Variants in LTBP1 observed in about 807,000 individuals in gnomAD.
LTBP1 encodes the protein latent transforming growth factor beta binding protein 1.
Under a neutral mutation model 207.6 loss-of-function variants are expected in LTBP1, and 129 were observed. The observed-to-expected ratio is 0.62, with a 90% CI of 0.54 to 0.72. The LOEUF is 0.72. Ranked by LOEUF, LTBP1 falls within the 30% of genes least tolerant of loss-of-function variation. The probability of loss-of-function intolerance (pLI) is 0.00; values close to 1 mark genes in which losing one functional copy is unlikely to be tolerated. For synonymous variants in LTBP1, 963 were observed against 833.7 expected (o/e 1.16, Z -2.67); for missense variants, 2,281 against 2,217.2 (o/e 1.03, Z -0.58).
intron 19 of LTBP1, among the ~76,000 whole-genome samples, chr2:33,290,694 G>A (rs1040178280): frequency 1.1e-4 from 17 of 152,090 alleles, no homozygotes; most frequent in Admixed American, 8.5e-4. Flanking sequence ...AAGAGGGAGA[G>A]TAAAAATAAG....
At chr2:32,952,683 C>T (rs145884586) in intron 2 of LTBP1, among the ~76,000 whole-genome samples, 107 of 152,228 alleles carry the variant, frequency 7.0e-4, no homozygotes, top group African/African-American at 2.1e-3. Context: ...CCCCCCATGC[C>T]CTGCATTGGT....
chr2:33,106,313 C>A (rs1017480709), intron 3 of LTBP1, among the ~76,000 whole-genome samples: 8 of 152,192 alleles, frequency 5.3e-5, no homozygotes, highest in African/African-American at 1.9e-4. Flanking sequence ...GGACCTCCTC[C>A]CATGAATCAC....
chr2:33,352,289 G>A (rs1043904632), intron 26 of LTBP1, among the ~76,000 whole-genome samples: 7 of 151,828 alleles, frequency 4.6e-5, no homozygotes, highest in African/African-American at 9.7e-5. Flanking sequence ...ATACCACCAC[G>A]CCCGGCTAAT....
At chr2:33,184,846 A>G (rs2087027062) in intron 5 of LTBP1, among the ~76,000 whole-genome samples, 1 of 151,882 alleles carries the variant, frequency 6.6e-6, no homozygotes, top group South Asian at 2.1e-4. Flanking sequence ...AAAACATAAC[A>G]AGGTAACTTC....
chr2:33,103,013 A>G (rs2079827299), intron 3 of LTBP1, among the ~76,000 whole-genome samples: 1 of 151,606 alleles, frequency 6.6e-6, no homozygotes, highest in African/African-American at 2.4e-5. Flanking sequence ...CACAGTCTGT[A>G]TGCTGTATGC....
At chr2:32,981,452 T>C (rs1166156616) in intron 2 of LTBP1, among the ~76,000 whole-genome samples, 1 of 152,252 alleles carries the variant, frequency 6.6e-6, no homozygotes, top group Non-Finnish European at 1.5e-5. Flanking sequence ...TTTTGCTTTG[T>C]TACCTCACTT....
intron 3 of LTBP1, among the ~76,000 whole-genome samples, chr2:33,082,256 G>A (rs1165878070): frequency 2.0e-5 from 3 of 151,976 alleles, no homozygotes; most frequent in African/African-American, 7.3e-5. Flanking sequence ...CTTACCACAT[G>A]TCAGCCCCTT....
Position 33,078,857 on chromosome 2 carries a change from C to CTTTTTTTTTTTTTTT in LTBP1, c.864-31721_864-31720insTTTTTTTTTTTTTTT, listed in dbSNP as rs879714056. Among the ~76,000 whole-genome samples the CTTTTTTTTTTTTTTT allele has an allele frequency of 5.5e-4, 51 of 92,152 alleles. 3 individuals carry two copies. The highest frequency in any genetic ancestry group is 2.3e-3 in the Admixed American group (15 of 6,538). The allele number at this position is 92,152 out of a possible 152,430, so 60.5% of individuals were successfully genotyped here. ...CTTCTCTTCTGTTTTCTTTTCTTTT[C>CTTTTTTTTTTTTTTT]TTTTCTTTTTTTTTTTTTTTGAGAC... is the stretch of plus-strand genomic sequence containing the variant. On this transcript the variant is annotated intron_variant, in intron 3 of 33. Transcript: ENST00000404816.
chr2:33,094,591 A>T (rs1387046489), intron 3 of LTBP1, among the ~76,000 whole-genome samples: 2 of 152,228 alleles, frequency 1.3e-5, no homozygotes, highest in African/African-American at 4.8e-5. Context: ...GACCATTATC[A>T]CATGAGTTAC....
At chr2:33,149,179 CACTCCAGCCTGGGTG>C (rs987064869) in intron 5 of LTBP1, among the ~76,000 whole-genome samples, 1 of 143,070 alleles carries the variant, frequency 7.0e-6, no homozygotes, top group African/African-American at 2.6e-5. Context: ...CGTGCCACTG[CACTCCAGCCTGGGTG>C]ACAGAGCGAG....
At chr2:33,008,841 G>A (rs1046263576) in intron 2 of LTBP1, among the ~76,000 whole-genome samples, 5 of 152,220 alleles carry the variant, frequency 3.3e-5, no homozygotes, top group Non-Finnish European at 1.5e-5. Flanking sequence ...AGTGGTTTTA[G>A]GAAGGGAGCC....
Position 33,146,209 on chromosome 2 carries a change from T to C in LTBP1, c.1201+11249T>C, listed in dbSNP as rs375391841. 2.0e-5 allele frequency among the ~76,000 whole-genome samples: 3 copies of C among 152,222 alleles called. No individual in the cohort carries two copies. The East Asian group carries it at 5.8e-4, about 29-fold the overall frequency. Reference sequence around the variant, plus strand: ...GATCTGCTGCAGTGGTGGCTGAGTTTGAAGTATTTGTGGATGCAGCAGCAA... The same window carrying C: ...GATCTGCTGCAGTGGTGGCTGAGTTCGAAGTATTTGTGGATGCAGCAGCAA... On this transcript the variant is annotated intron_variant, in intron 5 of 33. Coordinates refer to ENST00000404816, the MANE Select transcript of LTBP1 (RefSeq NM_206943.4).
chr2:33,276,723 C>T lies in LTBP1; in HGVS notation c.2992+800C>T, dbSNP rs544389932. The stretch of plus-strand genomic sequence containing the variant: ...AAAATTAGCTGGATGTGGTGGCACA[C>T]GCCTGTAATCCCAGCTACCTGGGAG... On this transcript the variant is annotated intron_variant, in intron 18 of 33. Transcript: ENST00000404816. Among the ~76,000 whole-genome samples the T allele has an allele frequency of 1.2e-4, 19 of 152,230 alleles. No individual in the cohort carries two copies. In the East Asian group the frequency reaches 2.9e-3, roughly 23 times the overall value.
chr2:33,279,512 T>G (rs779573575), intron 18 of LTBP1, among the ~76,000 whole-genome samples: 6 of 35,336 alleles, frequency 1.7e-4, no homozygotes, highest in African/African-American at 7.5e-4. Flanking sequence ...TCTCCTCATG[T>G]TTTTTTTTTT....
intron 32 of LTBP1, among the ~76,000 whole-genome samples, chr2:33,396,281 C>T (rs6720392): frequency 0.21 from 31,905 of 151,766 alleles, 4,282 homozygotes; most frequent in East Asian, 0.74. Flanking sequence ...GGACAGTGGC[C>T]GTGATCTCAG....
chr2:33,217,430 C>A, intron 7 of LTBP1, 122 bp from the exon 8 acceptor site: 1 of 545,694 alleles, frequency 1.8e-6, no homozygotes, highest in Non-Finnish European at 3.3e-6. Flanking sequence ...AGTTTTTTTC[C>A]TTTCTAATTG....
At chr2:33,249,528 T>A (rs1298042724) in intron 10 of LTBP1, among the ~76,000 whole-genome samples, 1 of 152,204 alleles carries the variant, frequency 6.6e-6, no homozygotes, top group Non-Finnish European at 1.5e-5. Flanking sequence ...AGCTTTTTAC[T>A]CTTGTTTTGT....
Position 33,389,226 on chromosome 2 carries a change from G to T in LTBP1, c.4754G>T (p.Arg1585Leu), listed in dbSNP as rs749732813. 3 of 1,614,074 alleles carry T rather than the reference G, an allele frequency of 1.9e-6. No homozygotes were observed. In the Admixed American group the frequency reaches 5.0e-5, roughly 27 times the overall value. ...QLCNIPVTGR[R>L]QPYGRDALVD... ...TGTAACATCCCCGTGACGGGACGCC[G>T]GCAGCCATATGGACGGGACGCCTTG... Residue 1585 changes from arginine to leucine, a missense_variant, in exon 32 of 34, where the codon CGG (arginine) becomes CTG (leucine). Arg to Leu is a moderately radical substitution (Grantham distance 102). Transcript: ENST00000404816.
At chr2:33,121,329 C>T (rs1178184952) in intron 4 of LTBP1, among the ~76,000 whole-genome samples, 2 of 151,970 alleles carry the variant, frequency 1.3e-5, no homozygotes, top group Non-Finnish European at 2.9e-5. Context: ...TTGTGAAAAA[C>T]ATCATAATTA....
Sources: gnomAD v4.1 joint callset for allele counts (sites outside exome capture counted in the v4.1 genomes callset) on GRCh38, gnomAD v4.1.1 for gene constraint, MANE v1.5 for transcripts, NCBI Gene and HGNC (gene_info 2026-07-23, HGNC 2026-07-21) for gene names.